The following NKAIN2 variants were observed in gnomAD, a reference collection of about 807,000 sequenced individuals.
NKAIN2 encodes sodium/potassium transporting ATPase interacting 2.
In NKAIN2, 14 loss-of-function variants were observed where a neutral mutation model predicts 32.6. That is an observed-to-expected ratio of 0.43 (90% CI 0.28 to 0.67). The LOEUF is 0.67. Among genes scored for constraint, NKAIN2 ranks in the 30% least tolerant of loss-of-function variants. The pLI is 0.17. For synonymous variants in NKAIN2, 80 were observed against 87.2 expected (o/e 0.92, Z 0.46); for missense variants, 198 against 258.3 (o/e 0.77, Z 1.60).
At chr6:123,912,311 A>G (rs1775255437) in intron 1 of NKAIN2, among the ~76,000 whole-genome samples, 1 of 152,036 alleles carries the variant, frequency 6.6e-6, no homozygotes, top group Non-Finnish European at 1.5e-5. Context: ...ATAATAAATA[A>G]TGTATATATT....
chr6:123,863,605 G>T (rs1216164638), intron 1 of NKAIN2, among the ~76,000 whole-genome samples: 1 of 152,076 alleles, frequency 6.6e-6, no homozygotes, highest in African/African-American at 2.4e-5. Flanking sequence ...CAGGAAAGAT[G>T]ATTACTATTC....
intron 1 of NKAIN2, among the ~76,000 whole-genome samples, chr6:124,212,316 C>T (rs938354061): frequency 2.0e-5 from 3 of 151,972 alleles, no homozygotes; most frequent in African/African-American, 7.2e-5. Context: ...CTTCAATCTT[C>T]CAATAAAACA....
At chr6:124,662,115 G>T (rs1022586634) in intron 4 of NKAIN2, among the ~76,000 whole-genome samples, 1 of 152,128 alleles carries the variant, frequency 6.6e-6, no homozygotes, top group Admixed American at 6.5e-5. Flanking sequence ...ATGGATTCCC[G>T]GAGTGTAAAA....
At chr6:124,259,252 G>T (rs944999099) in intron 1 of NKAIN2, among the ~76,000 whole-genome samples, 1 of 152,106 alleles carries the variant, frequency 6.6e-6, no homozygotes, top group Admixed American at 6.6e-5. Flanking sequence ...AGGTTTATAT[G>T]GTGGGGAAAG....
At chr6:124,454,640 A>G (rs1020519212) in intron 3 of NKAIN2, among the ~76,000 whole-genome samples, 1 of 152,086 alleles carries the variant, frequency 6.6e-6, no homozygotes, top group African/African-American at 2.4e-5. Flanking sequence ...TTAGGTAACA[A>G]TCAGTGTAGT....
chr6:124,187,629 A>G (rs1249819508), intron 1 of NKAIN2, among the ~76,000 whole-genome samples: 2 of 152,172 alleles, frequency 1.3e-5, no homozygotes, highest in Non-Finnish European at 2.9e-5. Flanking sequence ...TTTGATAAAC[A>G]TGCTTATTTT....
At chr6:123,951,512 C>A (rs780661751) in intron 1 of NKAIN2, among the ~76,000 whole-genome samples, 1 of 151,858 alleles carries the variant, frequency 6.6e-6, no homozygotes, top group Non-Finnish European at 1.5e-5. Flanking sequence ...TATATAATGA[C>A]CCTCTTTTTC....
intron 2 of NKAIN2, among the ~76,000 whole-genome samples, chr6:124,297,570 C>A (rs115063363): frequency 0.013 from 1,940 of 151,816 alleles, 40 homozygotes; most frequent in African/African-American, 0.044. Flanking sequence ...GCTCTTCCTT[C>A]CTCTCCCTGG....
At chr6:124,245,271 T>G (rs944393171) in intron 1 of NKAIN2, among the ~76,000 whole-genome samples, 1 of 152,110 alleles carries the variant, frequency 6.6e-6, no homozygotes, top group African/African-American at 2.4e-5. Flanking sequence ...AGCACTTCAG[T>G]GTATCGTAAA....
intron 3 of NKAIN2, among the ~76,000 whole-genome samples, chr6:124,476,343 G>A (rs912381137): frequency 6.8e-5 from 10 of 146,698 alleles, no homozygotes; most frequent in African/African-American, 2.5e-4. Context: ...TCTTAAGGAG[G>A]TTTTAAATCA....
At chr6:123,920,858 A>G (rs1205771224) in intron 1 of NKAIN2, among the ~76,000 whole-genome samples, 1 of 152,220 alleles carries the variant, frequency 6.6e-6, no homozygotes, top group African/African-American at 2.4e-5. Flanking sequence ...GTGTGCTAGT[A>G]TCATTGCAAA....
chr6:124,343,806 C>A (rs1480429527), intron 2 of NKAIN2, among the ~76,000 whole-genome samples: 1 of 148,626 alleles, frequency 6.7e-6, no homozygotes, highest in South Asian at 2.3e-4. Context: ...ATGGTAGTTT[C>A]TTTTGCTGTG....
At chr6:124,754,837 A>G (rs1307679073) in intron 4 of NKAIN2, among the ~76,000 whole-genome samples, 1 of 152,184 alleles carries the variant, frequency 6.6e-6, no homozygotes, top group Non-Finnish European at 1.5e-5. Flanking sequence ...ATATACACAT[A>G]TGTTCATTGC....
Position 124,600,566 on chromosome 6 carries a change from T to G in NKAIN2, c.274-57620T>G, listed in dbSNP as rs186031237. Among the ~76,000 whole-genome samples the G allele has an allele frequency of 7.2e-3, 1,095 of 152,194 alleles. 11 individuals carry two copies. Among genetic ancestry groups the G allele is most frequent in the Middle Eastern group, 0.024 (7 of 294 alleles). On this transcript the variant is annotated intron_variant, in intron 3 of 6. Transcript: ENST00000368417. ...GTTCTTTAAAAGAAGATAATTTGCT[T>G]TGAAAGTATTTCAGTATTGGAGGAA...
rs552675972 is a variant in NKAIN2, at chr6:124,240,697, C to A, written c.55-42308C>A. Among the ~76,000 whole-genome samples, 5 of 152,166 alleles carry A rather than the reference C, an allele frequency of 3.3e-5. No individual in the cohort carries two copies. In the South Asian group the frequency reaches 1.0e-3, roughly 32 times the overall value. On this transcript the variant is annotated intron_variant, in intron 1 of 6. Transcript: ENST00000368417. ...AAGGCCTTCAAAAAAATTAAACACC[C>A]CTTCATGCTAAAAACTCTCAATAAA...
intron 4 of NKAIN2, among the ~76,000 whole-genome samples, chr6:124,674,458 C>T (rs1773262027): frequency 1.3e-5 from 2 of 151,902 alleles, no homozygotes; most frequent in Non-Finnish European, 2.9e-5. Flanking sequence ...GTACTATTAA[C>T]ATTTTTAAGA....
rs138547522 is a variant in NKAIN2, at chr6:124,433,297, A to C, written c.273+77950A>C. On this transcript the variant is annotated intron_variant, in intron 3 of 6. Transcript: ENST00000368417. ...TTTCTCATGAAGAAAACTCTAGAGA[A>C]AAGAAAGCTAATGCTGTGTCTTTCA... 5.2e-3 allele frequency among the ~76,000 whole-genome samples: 791 copies of C among 152,304 alleles called. 4 individuals carry two copies. Among genetic ancestry groups the C allele is most frequent in the Non-Finnish European group, 8.7e-3 (595 of 68,026 alleles).
At chr6:124,782,530 C>T (rs1779317275) in intron 4 of NKAIN2, among the ~76,000 whole-genome samples, 1 of 152,130 alleles carries the variant, frequency 6.6e-6, no homozygotes, top group East Asian at 1.9e-4. Flanking sequence ...CCATTGTCAT[C>T]ACTGGGGCAG....
intron 1 of NKAIN2, among the ~76,000 whole-genome samples, chr6:123,863,838 C>T (rs952957221): frequency 6.6e-6 from 1 of 152,064 alleles, no homozygotes; most frequent in Non-Finnish European, 1.5e-5. Context: ...CTCAGCAAGG[C>T]TAGTTTACCA....
Sources: allele counts gnomAD v4.1 joint callset (sites outside exome capture counted in the v4.1 genomes callset), GRCh38; gene constraint gnomAD v4.1.1; transcripts MANE v1.5; gene names NCBI Gene and HGNC (gene_info 2026-07-23, HGNC 2026-07-21).